Variants in ZFY observed in about 807,000 individuals in gnomAD.
The protein encoded by ZFY is zinc finger protein Y-linked, also known as zinc finger Y-chromosomal protein.
For missense variants in ZFY, 113 were observed against 170.9 expected, an observed-to-expected ratio of 0.66 and a Z score of 1.89; for synonymous variants, 47 against 55.8, an observed-to-expected ratio of 0.84 and a Z score of 0.71.
chrY:2,938,983 T>TTATATATA (rs765202788), intron 1 of ZFY, among the ~76,000 whole-genome samples: 2 of 5,226 alleles, frequency 3.8e-4, no homozygotes, highest in African/African-American at 1.9e-3. Flanking sequence ...CATACAGTGC[T>TTATATATA]TATATATATA....
chrY:2,942,668 C>T (rs2051248880), intron 1 of ZFY, among the ~76,000 whole-genome samples: 1 of 30,866 alleles, frequency 3.2e-5, no homozygotes, highest in Non-Finnish European at 7.8e-5. Context: ...CCAGGTGATC[C>T]TCCTGTCTCA....
intron 3 of ZFY, among the ~76,000 whole-genome samples, chrY:2,964,795 G>A: frequency 1.8e-4 from 6 of 32,904 alleles, no homozygotes; most frequent in Admixed American, 8.3e-4. Flanking sequence ...GGTTTGGGAG[G>A]CTTGGCCAGG....
chrY:2,959,300 A>G, intron 2 of ZFY, among the ~76,000 whole-genome samples: 1 of 33,665 alleles, frequency 3.0e-5, no homozygotes, highest in Non-Finnish European at 7.4e-5. Flanking sequence ...ATAATGAAAC[A>G]TCTGATTACA....
At chrY:2,943,460 A>G in intron 1 of ZFY, among the ~76,000 whole-genome samples, 1 of 32,574 alleles carries the variant, frequency 3.1e-5, no homozygotes, top group Non-Finnish European at 7.5e-5. Context: ...CTAATTATAT[A>G]TATTTTATAT....
intron 3 of ZFY, among the ~76,000 whole-genome samples, chrY:2,962,315 T>G: frequency 5.9e-5 from 2 of 33,865 alleles, no homozygotes; most frequent in Non-Finnish European, 1.5e-4. Context: ...GTAGTCATTC[T>G]GTTACTAAAA....
Position 2,975,097 on chromosome Y carries a change from G to A in ZFY, c.637G>A (p.Asp213Asn), listed in dbSNP as rs2051361834. Reference protein sequence around the residue: ...SCEDYLMISLDDAGKIEHDGS... With the variant: ...SCEDYLMISLNDAGKIEHDGS... ...TGATATATTTTCTGCCTTTTCAGTG[G>A]ATGATGCTGGCAAAATAGAACATGA... Residue 213 changes from aspartate (D) to asparagine (N), a missense_variant and splice_region_variant, in exon 4 of 8, where the codon GAT becomes AAT. Asp to Asn is a conservative substitution (Grantham distance 23, BLOSUM62 1). Coordinates refer to ENST00000155093, the MANE Select transcript of ZFY (RefSeq NM_003411.4). 2.5e-6 allele frequency: 1 copy of A among 396,604 alleles called. No homozygotes were observed. The highest frequency in any genetic ancestry group is 3.5e-6 in the Non-Finnish European group (1 of 282,859).
intron 5 of ZFY, among the ~76,000 whole-genome samples, chrY:2,975,999 C>CA (rs2051367965): frequency 3.1e-5 from 1 of 32,673 alleles, no homozygotes; most frequent in Non-Finnish European, 7.5e-5. Context: ...CATGTCCCTG[C>CA]AAAGGACATG....
intron 3 of ZFY, among the ~76,000 whole-genome samples, chrY:2,969,514 G>C (rs2051341056): frequency 3.0e-5 from 1 of 33,573 alleles, no homozygotes; most frequent in Non-Finnish European, 7.4e-5. Flanking sequence ...TTGACAGTAG[G>C]ACAGATGTGG....
chrY:2,966,756 C>T, intron 3 of ZFY: 1 of 31,941 alleles, frequency 3.1e-5, no homozygotes. Flanking sequence ...TCACTTCTCA[C>T]ATACAAGTCC....
intron 2 of ZFY, among the ~76,000 whole-genome samples, chrY:2,957,778 AG>A (rs2051297307): frequency 2.9e-5 from 1 of 33,903 alleles, no homozygotes. Flanking sequence ...ATTGTCTCAC[AG>A]TTTCTGTAGG....
chrY:2,961,024 A>C, intron 2 of ZFY, 50 bp from the exon 3 acceptor site: 1 of 311,057 alleles, frequency 3.2e-6, no homozygotes, highest in Non-Finnish European at 4.9e-6. Flanking sequence ...AACTATATTT[A>C]GTCATGTATA....
At chrY:2,956,582 G>A (rs2051293432) in intron 2 of ZFY, among the ~76,000 whole-genome samples, 3 of 32,169 alleles carry the variant, frequency 9.3e-5, no homozygotes, top group Non-Finnish European at 2.3e-4. Flanking sequence ...GACAGGAGGC[G>A]AGAGCTCAGG....
Position 2,954,006 on chromosome Y carries a change from A to G in ZFY, c.61+9A>G. 1 of 382,920 alleles carries G rather than the reference A, an allele frequency of 2.6e-6. No homozygotes were observed. Among genetic ancestry groups the G allele is most frequent in the Non-Finnish European group, 3.7e-6 (1 of 273,906 alleles). On this transcript the variant is annotated intron_variant, in intron 2 of 7. Transcript: ENST00000155093. ...ATTTTTTGATGGAATAGGTATTACT[A>G]TTTATTGGGTTGTTTCACTTCCCAT...
Position 2,975,553 on chromosome Y carries a change from A to G in ZFY, c.827A>G (p.His276Arg), listed in dbSNP as rs760840157. 4 of 398,156 alleles carry G rather than the reference A, an allele frequency of 1.0e-5. No individual in the cohort carries two copies. Among genetic ancestry groups the G allele is most frequent in the Non-Finnish European group, 1.4e-5 (4 of 282,950 alleles). The stretch of plus-strand genomic sequence containing the variant: ...GTGGAGAGTGAACCTGAAAATGATC[A>G]TGGAGTTGAACTACTTGATCAGAAC... ...DIVESEPEND[H>R]GVELLDQNSS... The change falls in exon 5 of 8, where the codon CAT (histidine) becomes CGT (arginine). Residue 276 changes from histidine to arginine, a missense_variant. Coordinates refer to ENST00000155093, the MANE Select transcript of ZFY (RefSeq NM_003411.4).
At chrY:2,977,206 A>G (rs1603312272) in intron 6 of ZFY, among the ~76,000 whole-genome samples, 1 of 25,251 alleles carries the variant, frequency 4.0e-5, no homozygotes, top group African/African-American at 1.5e-4. Context: ...AAAAAAAAAA[A>G]AAAAAAAAAA....
chrY:2,978,721 A>G (rs2051386594), intron 7 of ZFY, 89 bp from the exon 8 acceptor site: 1 of 297,425 alleles, frequency 3.4e-6, no homozygotes, highest in Non-Finnish European at 5.1e-6. Context: ...GTATTTGCCC[A>G]CTAATGTTCA....
At chrY:2,952,343 G>A in intron 1 of ZFY, among the ~76,000 whole-genome samples, 1 of 34,135 alleles carries the variant, frequency 2.9e-5, no homozygotes, top group East Asian at 7.6e-4. Flanking sequence ...TTAATTTCAT[G>A]TGGTTTTCTT....
intron 1 of ZFY, among the ~76,000 whole-genome samples, chrY:2,940,025 A>T (rs2051236789): frequency 5.9e-5 from 2 of 33,707 alleles, no homozygotes; most frequent in African/African-American, 1.2e-4. Context: ...TCCAAAAAAA[A>T]TTATTTGAAT....
chrY:2,979,817 C>G lies in ZFY; in HGVS notation c.2230C>G (p.Gln744Glu). The G allele has an allele frequency of 2.5e-6, 1 of 399,263 alleles. No individual in the cohort carries two copies. The highest frequency in any genetic ancestry group is 3.5e-6 in the Non-Finnish European group (1 of 283,805). ...GACACACAGTGGCAGGAAAGTATATCAGTGTGAGTACTGTGAGTATAGCAC... is the reference window on the plus strand; with the variant it reads ...GACACACAGTGGCAGGAAAGTATATGAGTGTGAGTACTGTGAGTATAGCAC... ...MKTHSGRKVY[Q>E]CEYCEYSTTD... Residue 744 changes from glutamine to glutamate, a missense_variant, in exon 8 of 8, where the codon CAG becomes GAG. Coordinates refer to ENST00000155093, the MANE Select transcript of ZFY (RefSeq NM_003411.4).
Sources: allele counts gnomAD v4.1 joint callset (sites outside exome capture counted in the v4.1 genomes callset), GRCh38; gene constraint gnomAD v4.1.1; transcripts MANE v1.5; gene names NCBI Gene and HGNC (gene_info 2026-07-23, HGNC 2026-07-21).